The following DDR2 variants were observed in gnomAD, a reference collection of about 807,000 sequenced individuals.
The protein encoded by DDR2 is discoidin domain-containing receptor 2.
DDR2 carries 27 observed loss-of-function variants against 94.9 expected under a neutral mutation model. The ratio of observed to expected loss-of-function variants is 0.28; its 90% CI spans 0.21 to 0.39. DDR2 has a LOEUF of 0.39. Among genes scored for constraint, DDR2 ranks in the 10% least tolerant of loss-of-function variants. The pLI is 1.00. For missense variants in DDR2, 783 were observed against 1,076.0 expected (o/e 0.73, Z 3.81); for synonymous variants, 382 against 377.2 (o/e 1.01, Z -0.15).
At chr1:162,693,284 G>A (rs1006364962) in intron 2 of DDR2, among the ~76,000 whole-genome samples, 1 of 152,082 alleles carries the variant, frequency 6.6e-6, no homozygotes, top group Non-Finnish European at 1.5e-5. Flanking sequence ...TGAGCTTTAC[G>A]TGTGCAATTT....
intron 2 of DDR2, among the ~76,000 whole-genome samples, chr1:162,665,306 A>T (rs1020627217): frequency 6.6e-6 from 1 of 152,186 alleles, no homozygotes; most frequent in Admixed American, 6.5e-5. Context: ...TAGATCTCAG[A>T]TGGAACACCT....
At chr1:162,649,196 T>G (rs1054110897) in intron 1 of DDR2, among the ~76,000 whole-genome samples, 6 of 152,286 alleles carry the variant, frequency 3.9e-5, no homozygotes, top group Admixed American at 1.3e-4. Context: ...TAAGCAAGTT[T>G]CTTTACTGCA....
intron 2 of DDR2, chr1:162,705,210 C>G (rs957598406): frequency 6.6e-6 from 1 of 152,252 alleles, no homozygotes; most frequent in African/African-American, 2.4e-5. Flanking sequence ...GATATCCAAT[C>G]TCACTACAGC....
chr1:162,718,000 A>G (rs1049777978), intron 2 of DDR2, among the ~76,000 whole-genome samples: 1 of 152,200 alleles, frequency 6.6e-6, no homozygotes, highest in Non-Finnish European at 1.5e-5. Context: ...TTATCTACAT[A>G]AATTATTTGG....
At chr1:162,735,435 G>T (rs183194379) in intron 3 of DDR2, among the ~76,000 whole-genome samples, 2 of 152,284 alleles carry the variant, frequency 1.3e-5, no homozygotes, top group African/African-American at 4.8e-5. Flanking sequence ...TACACTGTTT[G>T]CTACCCCCTC....
chr1:162,748,420 G>GT (rs1442797488), intron 3 of DDR2, among the ~76,000 whole-genome samples: 1 of 152,194 alleles, frequency 6.6e-6, no homozygotes, highest in African/African-American at 2.4e-5. Context: ...TTACATAATG[G>GT]TAAAGGGATC....
At chr1:162,753,064 T>G (rs374316491) in intron 3 of DDR2, 31 bp from the exon 4 acceptor site, 163 of 1,575,026 alleles carry the variant, frequency 1.0e-4, no homozygotes, top group Non-Finnish European at 1.3e-4. Flanking sequence ...AACCATGTCC[T>G]CTCTTTTCTC....
rs757051385 is a variant in DDR2, at chr1:162,770,482, C to T, written c.1474C>T (p.Pro492Ser). The change falls in exon 12 of 18, where the codon CCA becomes TCA. Residue 492 changes from proline to serine, a missense_variant. By Grantham distance (74) the Pro-to-Ser change is moderately conservative (BLOSUM62 -1). Transcript: ENST00000367921. ...QEPSRLIRKLPEFAPGEEESG... is the reference protein window; with the variant it reads ...QEPSRLIRKLSEFAPGEEESG... Reference sequence around the variant, plus strand: ...GCCATCCAGGCTGATACGAAAACTCCCAGAATTTGCTCCAGGGGAGGAGGA... The same window carrying T: ...GCCATCCAGGCTGATACGAAAACTCTCAGAATTTGCTCCAGGGGAGGAGGA... 7.5e-5 allele frequency: 121 copies of T among 1,613,962 alleles called. No individual in the cohort carries two copies. Among genetic ancestry groups the T allele is most frequent in the Middle Eastern group, 1.6e-4 (1 of 6,084 alleles).
intron 2 of DDR2, among the ~76,000 whole-genome samples, chr1:162,668,388 G>T (rs1288492757): frequency 6.6e-6 from 1 of 152,110 alleles, no homozygotes; most frequent in African/African-American, 2.4e-5. Flanking sequence ...TGCTTTTATG[G>T]GTTTCCTGGG....
intron 3 of DDR2, among the ~76,000 whole-genome samples, chr1:162,745,557 C>T (rs1341900160): frequency 1.3e-5 from 2 of 151,930 alleles, no homozygotes; most frequent in African/African-American, 4.8e-5. Context: ...ATCCAGTTTT[C>T]CCAACACCAT....
chr1:162,706,585 T>A (rs949290886), intron 2 of DDR2, among the ~76,000 whole-genome samples: 1 of 152,136 alleles, frequency 6.6e-6, no homozygotes, highest in African/African-American at 2.4e-5. Flanking sequence ...AAGGGCATTC[T>A]GAGAATGAGA....
At position 162,783,503 on chromosome 1, in the gene DDR2, G is replaced by A. The variant is rs1318535771; in HGVS notation, c.*3257G>A. On this transcript the variant is annotated 3_prime_UTR_variant, in exon 18 of 18. Coordinates refer to ENST00000367921, the MANE Select transcript of DDR2 (RefSeq NM_006182.4). ...TGGAGAATGCACAGGAAAGACACAGGGGAAGGTCAAGTCGAGCAAGGTAGA... is the reference window on the plus strand; with the variant it reads ...TGGAGAATGCACAGGAAAGACACAGAGGAAGGTCAAGTCGAGCAAGGTAGA... The A allele has an allele frequency of 6.6e-6, 1 of 152,184 alleles. No homozygotes were observed. The highest frequency in any genetic ancestry group is 2.4e-5 in the African/African-American group (1 of 41,408). The allele number at this position is 152,184 out of a possible 1,614,324, so 9.4% of individuals were successfully genotyped here. A position where few individuals can be genotyped will look rare whatever the true frequency, so the allele number is the denominator to read the frequency against.
intron 2 of DDR2, among the ~76,000 whole-genome samples, chr1:162,662,483 A>G (rs7554982): frequency 0.83 from 126,657 of 152,156 alleles, 53,360 homozygotes; most frequent in Middle Eastern, 0.93. Flanking sequence ...ACCACATTAT[A>G]TGGAAATTAT....
At chr1:162,693,722 A>G (rs1660057120) in intron 2 of DDR2, among the ~76,000 whole-genome samples, 2 of 152,168 alleles carry the variant, frequency 1.3e-5, no homozygotes, top group Non-Finnish European at 2.9e-5. Context: ...AGGACCTCTG[A>G]CCAGGCAGCC....
chr1:162,727,941 G>T (rs55865134), intron 3 of DDR2, among the ~76,000 whole-genome samples: 5,145 of 122,040 alleles, frequency 0.042, 147 homozygotes, highest in Non-Finnish European at 0.059. Flanking sequence ...GAGCTAAGTC[G>T]ACAATCACAC....
At chr1:162,683,241 C>T (rs1476532328) in intron 2 of DDR2, among the ~76,000 whole-genome samples, 1 of 152,108 alleles carries the variant, frequency 6.6e-6, no homozygotes, top group Non-Finnish European at 1.5e-5. Flanking sequence ...TGAAGAAGGA[C>T]TTAATGTTTT....
chr1:162,631,071 G>C (rs1335909032), upstream of DDR2, among the ~76,000 whole-genome samples: 1 of 151,982 alleles, frequency 6.6e-6, no homozygotes, highest in Non-Finnish European at 1.5e-5. Context: ...CAGCTGTGAG[G>C]CACAGATGTT....
At chr1:162,673,293 T>C (rs545393190) in intron 2 of DDR2, among the ~76,000 whole-genome samples, 6 of 152,150 alleles carry the variant, frequency 3.9e-5, no homozygotes, top group Non-Finnish European at 8.8e-5. Flanking sequence ...CACCCTCTTA[T>C]ATTCCCCATA....
At chr1:162,650,511 G>A (rs1345515502) in intron 1 of DDR2, among the ~76,000 whole-genome samples, 5 of 152,094 alleles carry the variant, frequency 3.3e-5, no homozygotes, top group South Asian at 2.1e-4. Context: ...CAGGAGAATC[G>A]CTTGAACCTG....
Sources: allele counts gnomAD v4.1 joint callset (sites outside exome capture counted in the v4.1 genomes callset), GRCh38; gene constraint gnomAD v4.1.1; transcripts MANE v1.5; gene names NCBI Gene and HGNC (gene_info 2026-07-23, HGNC 2026-07-21).